The following ARK2N variants were observed in gnomAD, a reference collection of about 807,000 sequenced individuals.
ARK2N encodes the protein arkadia (RNF111) N-terminal like PKA signaling regulator 2N, also known as protein ARK2N.
chr18:46,184,284 C>A, the ARK2N span, among the ~76,000 whole-genome samples: 1 of 152,002 alleles, frequency 6.6e-6, no homozygotes, highest in South Asian at 2.1e-4. Context: ...GCCACTGCGC[C>A]CAGCAGTTTT....
chr18:46,219,134 A>T, the ARK2N span: 2 of 152,256 alleles, frequency 1.3e-5, no homozygotes, highest in South Asian at 4.1e-4. Context: ...GCAAATAATT[A>T]ATAATGCAGA....
the ARK2N span, among the ~76,000 whole-genome samples, chr18:46,197,570 A>G: frequency 2.0e-5 from 3 of 152,204 alleles, no homozygotes; most frequent in African/African-American, 7.2e-5. Context: ...ATTAAGTCCA[A>G]GTACGGCTGA....
At chr18:46,199,194 A>C in the ARK2N span, among the ~76,000 whole-genome samples, 6 of 152,160 alleles carry the variant, frequency 3.9e-5, no homozygotes, top group Non-Finnish European at 8.8e-5. Flanking sequence ...CCTCTATCTT[A>C]ACTTTCACAG....
chr18:46,178,240 G>A, the ARK2N span, among the ~76,000 whole-genome samples: 1 of 152,172 alleles, frequency 6.6e-6, no homozygotes, highest in Non-Finnish European at 1.5e-5. Context: ...TAATGGGTTG[G>A]GAATTTTCTT....
At chr18:46,201,006 G>T in the ARK2N span, among the ~76,000 whole-genome samples, 4 of 140,248 alleles carry the variant, frequency 2.9e-5, no homozygotes, top group African/African-American at 5.3e-5. Flanking sequence ...TTGAGACAGG[G>T]TCTTGCTCTG....
At chr18:46,234,182 G>A in the ARK2N span, among the ~76,000 whole-genome samples, 4 of 152,058 alleles carry the variant, frequency 2.6e-5, no homozygotes, top group Admixed American at 1.3e-4. Flanking sequence ...GCGATGATTG[G>A]TATTTTTATT....
the ARK2N span, chr18:46,232,684 C>G: frequency 6.6e-6 from 1 of 151,948 alleles, no homozygotes; most frequent in African/African-American, 2.4e-5. Context: ...TGTTTGTTTG[C>G]TAGTATTGAG....
At chr18:46,180,203 A>C in the ARK2N span, among the ~76,000 whole-genome samples, 1 of 152,216 alleles carries the variant, frequency 6.6e-6, no homozygotes, top group Non-Finnish European at 1.5e-5. Flanking sequence ...CTGCCACTTA[A>C]TAGGTAGATG....
At chr18:46,263,046 G>A in the ARK2N span, 14 of 1,614,078 alleles carry the variant, frequency 8.7e-6, no homozygotes, top group Non-Finnish European at 1.2e-5. Flanking sequence ...CTCCCCAGCA[G>A]ACTTGGGCTT....
the ARK2N span, among the ~76,000 whole-genome samples, chr18:46,229,379 G>T: frequency 6.6e-6 from 1 of 152,046 alleles, no homozygotes; most frequent in Non-Finnish European, 1.5e-5. Flanking sequence ...ACAGAGTCTC[G>T]CTCTGTCGTC....
the ARK2N span, among the ~76,000 whole-genome samples, chr18:46,210,433 G>C: frequency 6.6e-6 from 1 of 152,178 alleles, no homozygotes; most frequent in Non-Finnish European, 1.5e-5. Context: ...GCCAGAGAAG[G>C]AGCAGAGTGG....
chr18:46,258,214 C>T, the ARK2N span, among the ~76,000 whole-genome samples: 3 of 152,180 alleles, frequency 2.0e-5, no homozygotes, highest in South Asian at 6.2e-4. Flanking sequence ...GCGTGAGCCA[C>T]CATGCCCAGG....
the ARK2N span, among the ~76,000 whole-genome samples, chr18:46,200,783 A>G: frequency 6.7e-6 from 1 of 149,158 alleles, no homozygotes; most frequent in Non-Finnish European, 1.5e-5. Context: ...TGATTACATC[A>G]TTTTTTTTTT....
At chr18:46,203,378 T>A in the ARK2N span, among the ~76,000 whole-genome samples, 4 of 152,140 alleles carry the variant, frequency 2.6e-5, no homozygotes, top group African/African-American at 9.7e-5. Context: ...TAAAGAAACT[T>A]GACACGAAAA....
the ARK2N span, among the ~76,000 whole-genome samples, chr18:46,245,113 G>A: frequency 2.0e-5 from 3 of 152,034 alleles, no homozygotes; most frequent in South Asian, 4.2e-4. Flanking sequence ...TATATTTTTA[G>A]TAGAGATGGG....
the ARK2N span, among the ~76,000 whole-genome samples, chr18:46,175,157 T>C: frequency 0.022 from 1,775 of 81,380 alleles, 45 homozygotes; most frequent in African/African-American, 0.081. Context: ...CATCACAAAA[T>C]TGATGCTCAC....
the ARK2N span, among the ~76,000 whole-genome samples, chr18:46,194,917 C>T: frequency 1.3e-4 from 20 of 150,820 alleles, no homozygotes; most frequent in Non-Finnish European, 2.8e-4. Flanking sequence ...GATTCTGCCT[C>T]AGCCACCAGA....
At chr18:46,220,214 A>G in the ARK2N span, among the ~76,000 whole-genome samples, 1 of 152,058 alleles carries the variant, frequency 6.6e-6, no homozygotes, top group African/African-American at 2.4e-5. Context: ...TGAAAATCTC[A>G]TTTCTTTTGG....
chr18:46,260,300 C>T, the ARK2N span, among the ~76,000 whole-genome samples: 1 of 152,212 alleles, frequency 6.6e-6, no homozygotes, highest in African/African-American at 2.4e-5. Flanking sequence ...TTCCACCTCA[C>T]AGTGATTCTC....
Sources: allele counts gnomAD v4.1 joint callset (sites outside exome capture counted in the v4.1 genomes callset), GRCh38; gene constraint gnomAD v4.1.1; transcripts MANE v1.5; gene names NCBI Gene and HGNC (gene_info 2026-07-23, HGNC 2026-07-21).